The following C12orf42 variants were observed in gnomAD, a reference collection of about 807,000 sequenced individuals.
C12orf42 encodes chromosome 12 open reading frame 42, also known as uncharacterized protein C12orf42.
Under a neutral mutation model 21.6 loss-of-function variants are expected in C12orf42, and 25 were observed. The observed-to-expected ratio is 1.16, with a 90% CI of 0.84 to 1.62. C12orf42 has a LOEUF of 1.62. C12orf42 is among the 40% of genes most tolerant of loss of function. The pLI, the probability that C12orf42 is intolerant of heterozygous loss-of-function variation, is 0.00. For synonymous variants in C12orf42, 174 were observed against 175.0 expected, an observed-to-expected ratio of 0.99 and a Z score of 0.05; for missense variants, 483 against 459.3, an observed-to-expected ratio of 1.05 and a Z score of -0.47.
chr12:103,302,312 C>T lies in C12orf42; in HGVS notation c.879G>A (p.Arg293=), dbSNP rs745526028. ...EMLPKHPHTP[R]DRRPQADTSL... is the part of the protein sequence containing the mutation. Reference sequence around the variant, plus strand: ...AGGTGTCCGCCTGAGGCCTCCTGTCCCGCGGGGTATGAGGATGCTTGGGGA... The same window carrying T: ...AGGTGTCCGCCTGAGGCCTCCTGTCTCGCGGGGTATGAGGATGCTTGGGGA... Residue 293 remains arginine (R), a synonymous_variant, in exon 6 of 6, where the codon CGG becomes CGA. Transcript: ENST00000548883. 8.1e-6 allele frequency: 13 copies of T among 1,613,886 alleles called. No homozygotes were observed. Among genetic ancestry groups the T allele is most frequent in the African/African-American group, 1.3e-5 (1 of 75,016 alleles).
At chr12:103,295,439 C>G (rs2037199156) in intron 4 of C12orf42, among the ~76,000 whole-genome samples, 1 of 151,744 alleles carries the variant, frequency 6.6e-6, no homozygotes, top group African/African-American at 2.4e-5. Flanking sequence ...ATATAACTTG[C>G]TTTGAATAAG....
intron 2 of C12orf42, among the ~76,000 whole-genome samples, chr12:103,440,167 C>G (rs1278901103): frequency 2.1e-5 from 3 of 142,606 alleles, no homozygotes; most frequent in African/African-American, 7.8e-5. Flanking sequence ...AACAAAAAAC[C>G]AAACACTGCA....
At chr12:103,173,354 G>A in the C12orf42 span, among the ~76,000 whole-genome samples, 1 of 152,068 alleles carries the variant, frequency 6.6e-6, no homozygotes, top group Non-Finnish European at 1.5e-5. Context: ...TCCCTATTTG[G>A]AGATTTCACA....
chr12:103,105,097 C>T, the C12orf42 span, among the ~76,000 whole-genome samples: 1 of 152,144 alleles, frequency 6.6e-6, no homozygotes, highest in Non-Finnish European at 1.5e-5. Context: ...GGGCCAACCA[C>T]CAAAAGCAAA....
At chr12:103,405,192 G>C (rs1279588081) in intron 2 of C12orf42, among the ~76,000 whole-genome samples, 1 of 152,172 alleles carries the variant, frequency 6.6e-6, no homozygotes, top group African/African-American at 2.4e-5. Flanking sequence ...GCGAGATCCA[G>C]GGAGAAACCA....
intron 1 of C12orf42, 84 bp from the exon 2 acceptor site, chr12:103,478,531 C>G (rs938363043): frequency 3.0e-5 from 17 of 574,286 alleles, no homozygotes; most frequent in Non-Finnish European, 3.8e-5. Context: ...TCTTTAAGAG[C>G]CAGAATCATC....
chr12:103,280,631 A>G lies in C12orf42; in HGVS notation n.338-3421T>C, dbSNP rs557369159. 3.3e-5 allele frequency among the ~76,000 whole-genome samples: 5 copies of G among 152,274 alleles called. No homozygotes were observed. The South Asian group carries it at 6.2e-4, about 19-fold the overall frequency. ...GAGACTCCATCTCCACACAAAAAAA[A>G]TCTTGAATGGTAGGGGAGACAGAAA... On this transcript the variant is annotated intron_variant and non_coding_transcript_variant, in intron 4 of 6. Transcript: ENST00000546526.
At chr12:103,181,591 T>C in the C12orf42 span, among the ~76,000 whole-genome samples, 1 of 152,240 alleles carries the variant, frequency 6.6e-6, no homozygotes, top group African/African-American at 2.4e-5. Flanking sequence ...GAAGTTAATC[T>C]GAATCCACTG....
the C12orf42 span, among the ~76,000 whole-genome samples, chr12:103,554,575 AC>A: frequency 1.9e-3 from 277 of 146,128 alleles, 1 homozygote; most frequent in African/African-American, 6.8e-3. Flanking sequence ...GTAATTTATT[AC>A]AAAAAAAAAA....
downstream of C12orf42, among the ~76,000 whole-genome samples, chr12:103,301,634 G>A (rs1228406353): frequency 6.6e-6 from 1 of 152,016 alleles, no homozygotes; most frequent in Non-Finnish European, 1.5e-5. Context: ...AAATTCCCCT[G>A]GGCACATCAG....
At chr12:103,052,293 T>C in the C12orf42 span, among the ~76,000 whole-genome samples, 75 of 152,270 alleles carry the variant, frequency 4.9e-4, 1 homozygote, top group Middle Eastern at 0.01. Flanking sequence ...GCTTTAAAAA[T>C]GTATATTGTC....
the C12orf42 span, among the ~76,000 whole-genome samples, chr12:103,068,121 A>G: frequency 2.2e-4 from 33 of 152,324 alleles, no homozygotes; most frequent in African/African-American, 7.9e-4. Flanking sequence ...AGAAGAAGGT[A>G]GTCATCAATA....
At chr12:103,453,743 C>T (rs1044882206) in intron 2 of C12orf42, among the ~76,000 whole-genome samples, 4 of 151,902 alleles carry the variant, frequency 2.6e-5, no homozygotes, top group African/African-American at 7.3e-5. Context: ...CAATTTTTTT[C>T]CAATATTGAG....
the C12orf42 span, among the ~76,000 whole-genome samples, chr12:103,200,629 T>C: frequency 6.6e-6 from 1 of 152,100 alleles, no homozygotes; most frequent in African/African-American, 2.4e-5. Context: ...GTATGTTGAA[T>C]TTGAAAAAAA....
At chr12:103,337,674 G>A (rs1447819119) in intron 4 of C12orf42, among the ~76,000 whole-genome samples, 4 of 151,992 alleles carry the variant, frequency 2.6e-5, no homozygotes, top group Non-Finnish European at 4.4e-5. Context: ...TATTTGACAT[G>A]GACCATATCC....
chr12:103,490,008 G>C (rs544750374), intron 1 of C12orf42, among the ~76,000 whole-genome samples: 3 of 152,326 alleles, frequency 2.0e-5, no homozygotes, highest in African/African-American at 7.2e-5. Flanking sequence ...AGTTGGAAAT[G>C]CAGAAATCAC....
chr12:103,192,740 G>A, the C12orf42 span, among the ~76,000 whole-genome samples: 9 of 152,032 alleles, frequency 5.9e-5, no homozygotes, highest in African/African-American at 1.4e-4. Flanking sequence ...ACCTAAGTAC[G>A]GAAAGCGAAG....
chr12:103,437,739 G>T (rs1404014253), intron 2 of C12orf42, among the ~76,000 whole-genome samples: 1 of 147,716 alleles, frequency 6.8e-6, no homozygotes, highest in Non-Finnish European at 1.5e-5. Context: ...CCAATAACAG[G>T]ATCTGAAATT....
intron 4 of C12orf42, among the ~76,000 whole-genome samples, chr12:103,361,621 A>AT (rs2044117298): frequency 6.6e-6 from 1 of 152,070 alleles, no homozygotes; most frequent in African/African-American, 2.4e-5. Flanking sequence ...AGTCCAGGGA[A>AT]AGTTCTCAGC....
Sources: allele counts gnomAD v4.1 joint callset (sites outside exome capture counted in the v4.1 genomes callset), GRCh38; gene constraint gnomAD v4.1.1; transcripts MANE v1.5; gene names NCBI Gene and HGNC (gene_info 2026-07-23, HGNC 2026-07-21).